The following TACR1 variants were observed in gnomAD, a reference collection of about 807,000 sequenced individuals.
TACR1 encodes substance-P receptor.
Under a neutral mutation model 35.8 loss-of-function variants are expected in TACR1, and 25 were observed. The observed-to-expected ratio is 0.70, with a 90% CI of 0.51 to 0.98. The LOEUF is 0.98. Among genes scored for constraint, TACR1 ranks in the 50% least tolerant of loss-of-function variants. TACR1 has a pLI of 0.00. For missense variants in TACR1, 478 were observed against 522.9 expected, an observed-to-expected ratio of 0.91 and a Z score of 0.84; for synonymous variants, 195 against 206.7, an observed-to-expected ratio of 0.94 and a Z score of 0.48.
chr2:75,117,161 G>A (rs2103899948), intron 2 of TACR1, among the ~76,000 whole-genome samples: 1 of 150,514 alleles, frequency 6.6e-6, no homozygotes, highest in Admixed American at 6.6e-5. Flanking sequence ...GTGTGTGTGT[G>A]TGTGTGAAGC....
At chr2:75,108,348 A>C (rs949362830) in intron 2 of TACR1, among the ~76,000 whole-genome samples, 1 of 152,200 alleles carries the variant, frequency 6.6e-6, no homozygotes, top group African/African-American at 2.4e-5. Context: ...AGGGAATAGA[A>C]TTAAAATGAT....
At chr2:75,069,599 A>G (rs1672835121) in intron 2 of TACR1, among the ~76,000 whole-genome samples, 1 of 152,184 alleles carries the variant, frequency 6.6e-6, no homozygotes, top group African/African-American at 2.4e-5. Context: ...CCAAGATCTC[A>G]CATTAAGTTT....
intron 1 of TACR1, among the ~76,000 whole-genome samples, chr2:75,184,892 G>GA (rs989125373): frequency 6.6e-6 from 1 of 151,352 alleles, no homozygotes; most frequent in African/African-American, 2.4e-5. Flanking sequence ...TTCATACACT[G>GA]AAAAAAAACT....
intron 2 of TACR1, among the ~76,000 whole-genome samples, chr2:75,066,465 A>G (rs1202184421): frequency 2.0e-5 from 3 of 152,232 alleles, no homozygotes; most frequent in African/African-American, 7.2e-5. Flanking sequence ...AATTATCTGC[A>G]GCATTTTATA....
intron 2 of TACR1, among the ~76,000 whole-genome samples, chr2:75,063,703 A>G (rs891055465): frequency 1.3e-5 from 2 of 152,138 alleles, no homozygotes; most frequent in African/African-American, 2.4e-5. Context: ...TGACTTTGTA[A>G]CACATCCTTT....
intron 1 of TACR1, among the ~76,000 whole-genome samples, chr2:75,149,350 A>G (rs1365769687): frequency 6.6e-6 from 1 of 152,130 alleles, no homozygotes; most frequent in Non-Finnish European, 1.5e-5. Context: ...CATTTTCACA[A>G]TATTGATTCT....
chr2:75,078,730 A>G (rs1287479784), intron 2 of TACR1, among the ~76,000 whole-genome samples: 1 of 152,196 alleles, frequency 6.6e-6, no homozygotes, highest in African/African-American at 2.4e-5. Context: ...TCAGAAGAGC[A>G]AATAGTAATT....
intron 1 of TACR1, among the ~76,000 whole-genome samples, chr2:75,147,037 A>G (rs1162190755): frequency 6.6e-6 from 1 of 152,228 alleles, no homozygotes; most frequent in African/African-American, 2.4e-5. Context: ...AAGTCAACTG[A>G]TCTGAAATGT....
chr2:75,049,635 A>C lies in TACR1; in HGVS notation c.1021T>G (p.Tyr341Asp). 6.2e-7 allele frequency: 1 copy of C among 1,614,120 alleles called. No individual in the cohort carries two copies. Among genetic ancestry groups the C allele is most frequent in the Non-Finnish European group, 8.5e-7 (1 of 1,180,032 alleles). Residue 341 changes from tyrosine to aspartate, a missense_variant, in exon 5 of 5, where the codon TAT becomes GAT. By Grantham distance (160) the Tyr-to-Asp change is radical. Transcript: ENST00000305249. ...YEGLEMKSTR[Y>D]LQTQGSVYKV... The stretch of plus-strand genomic sequence containing the variant: ...TACACACTGCCCTGGGTCTGGAGAT[A>C]CCGGGTGGATTTCATTTCCAGCCCC...
At chr2:75,154,170 G>A (rs1023001969) in intron 1 of TACR1, among the ~76,000 whole-genome samples, 1 of 151,818 alleles carries the variant, frequency 6.6e-6, no homozygotes, top group East Asian at 1.9e-4. Flanking sequence ...CCTTCCTCCC[G>A]GCTCCTGGCT....
intron 1 of TACR1, among the ~76,000 whole-genome samples, chr2:75,146,688 G>A (rs976699377): frequency 2.0e-5 from 3 of 152,210 alleles, no homozygotes; most frequent in Non-Finnish European, 4.4e-5. Flanking sequence ...TAGTTACTGA[G>A]TGAAGTCACC....
intron 2 of TACR1, among the ~76,000 whole-genome samples, chr2:75,107,264 G>A (rs1227648027): frequency 1.3e-5 from 2 of 151,830 alleles, no homozygotes; most frequent in African/African-American, 4.8e-5. Flanking sequence ...TTTAGCAAAA[G>A]GACAATTACA....
intron 2 of TACR1, among the ~76,000 whole-genome samples, chr2:75,105,832 A>C (rs1673629573): frequency 6.6e-6 from 1 of 151,988 alleles, no homozygotes; most frequent in African/African-American, 2.4e-5. Flanking sequence ...GGGATCTGCC[A>C]CAAAAAACCT....
intron 1 of TACR1, among the ~76,000 whole-genome samples, chr2:75,138,660 T>C (rs1034363084): frequency 6.6e-6 from 1 of 152,210 alleles, no homozygotes; most frequent in African/African-American, 2.4e-5. Flanking sequence ...GTGGTCGTCA[T>C]GTCAAGGACT....
At chr2:75,142,140 G>T (rs554884198) in intron 1 of TACR1, among the ~76,000 whole-genome samples, 70 of 152,302 alleles carry the variant, frequency 4.6e-4, no homozygotes, top group African/African-American at 1.6e-3. Flanking sequence ...TGAGTGGAGA[G>T]GAGATGAAGC....
At chr2:75,180,422 A>G (rs1675534926) in intron 1 of TACR1, among the ~76,000 whole-genome samples, 1 of 152,142 alleles carries the variant, frequency 6.6e-6, no homozygotes, top group Admixed American at 6.5e-5. Context: ...AGTTCTTGTC[A>G]CTGAAGAGGT....
chr2:75,110,067 A>G (rs1045273742), intron 2 of TACR1, among the ~76,000 whole-genome samples: 1 of 152,214 alleles, frequency 6.6e-6, no homozygotes, highest in Admixed American at 6.5e-5. Context: ...TTTTGAAAAT[A>G]CAATACGAAA....
At chr2:75,064,728 T>C (rs939033370) in intron 2 of TACR1, among the ~76,000 whole-genome samples, 2 of 152,218 alleles carry the variant, frequency 1.3e-5, no homozygotes, top group African/African-American at 4.8e-5. Flanking sequence ...AATTTTGTCC[T>C]AGGCTGTAAT....
At chr2:75,133,397 C>T (rs1364824332) in intron 1 of TACR1, among the ~76,000 whole-genome samples, 2 of 152,140 alleles carry the variant, frequency 1.3e-5, no homozygotes, top group Non-Finnish European at 2.9e-5. Context: ...AAAGGTAATG[C>T]TTCTCTTTGA....
Sources: gnomAD v4.1 joint callset for allele counts (sites outside exome capture counted in the v4.1 genomes callset) on GRCh38, gnomAD v4.1.1 for gene constraint, MANE v1.5 for transcripts, NCBI Gene and HGNC (gene_info 2026-07-23, HGNC 2026-07-21) for gene names.